Variants in CCDC7 observed in about 807,000 individuals in gnomAD.
CCDC7 encodes the protein coiled-coil domain-containing protein 7.
Under a neutral mutation model 196.9 loss-of-function variants are expected in CCDC7, and 183 were observed. The ratio of observed to expected loss-of-function variants is 0.93; its 90% confidence interval spans 0.82 to 1.05. The LOEUF is 1.05. Ranked by LOEUF, CCDC7 falls within the 50% of genes least tolerant of loss-of-function variation. CCDC7 has a pLI of 0.00. For missense variants in CCDC7, 1,540 were observed against 1,482.2 expected, an observed-to-expected ratio of 1.04 and a Z score of -0.64; for synonymous variants, 525 against 484.6, an observed-to-expected ratio of 1.08 and a Z score of -1.10.
chr10:32,706,936 T>C (rs148318263), intron 24 of CCDC7, among the ~76,000 whole-genome samples: 3 of 152,284 alleles, frequency 2.0e-5, no homozygotes, highest in African/African-American at 7.2e-5. Context: ...TTCCAATCAG[T>C]AGAAAAAGAG....
chr10:32,585,349 A>T (rs1278900527), intron 18 of CCDC7, among the ~76,000 whole-genome samples: 1 of 152,204 alleles, frequency 6.6e-6, no homozygotes, highest in Admixed American at 6.5e-5. Flanking sequence ...CTGGGATTAC[A>T]GGCGTGAGCC....
At chr10:32,859,322 G>C (rs189897298) in intron 41 of CCDC7, among the ~76,000 whole-genome samples, 266 of 152,156 alleles carry the variant, frequency 1.7e-3, no homozygotes, top group African/African-American at 6.1e-3. Flanking sequence ...ATGACTACTG[G>C]GTAAATAACG....
intron 22 of CCDC7, among the ~76,000 whole-genome samples, chr10:32,688,522 T>A (rs1422561241): frequency 6.6e-6 from 1 of 152,218 alleles, no homozygotes; most frequent in Non-Finnish European, 1.5e-5. Context: ...CTAGATATTC[T>A]CCCTTTTGGT....
At chr10:32,784,804 C>T (rs2081582741) in intron 29 of CCDC7, among the ~76,000 whole-genome samples, 1 of 151,472 alleles carries the variant, frequency 6.6e-6, no homozygotes, top group South Asian at 2.1e-4. Flanking sequence ...GAGTTCGAGA[C>T]CAGCCTGGCC....
chr10:32,602,845 T>C (rs1398150197), intron 18 of CCDC7, among the ~76,000 whole-genome samples: 1 of 152,228 alleles, frequency 6.6e-6, no homozygotes, highest in African/African-American at 2.4e-5. Flanking sequence ...ATAATATTTG[T>C]ACATACTTAT....
chr10:32,663,193 A>G (rs1348715178), intron 20 of CCDC7, among the ~76,000 whole-genome samples: 2 of 152,186 alleles, frequency 1.3e-5, no homozygotes, highest in Non-Finnish European at 2.9e-5. Flanking sequence ...CATTTAAGGT[A>G]AAGGTGAACT....
rs766279928 is a variant in CCDC7, at chr10:32,689,058, G to C, written c.2239G>C (p.Asp747His). The C allele has an allele frequency of 3.0e-5, 47 of 1,579,436 alleles. No individual in the cohort carries two copies. In the East Asian group the frequency reaches 1.0e-3, roughly 35 times the overall value. The change falls in exon 23 of 42, where the codon GAT becomes CAT. Residue 747 changes from aspartate to histidine, a missense_variant. Asp to His is a moderately conservative substitution (Grantham distance 81). Coordinates refer to ENST00000639629, the Ensembl canonical transcript of CCDC7. ...AAACACATCTTTTTCTGTAGCTCCT[G>C]ATAAAGAACCAAATGAAAATCTTAT...
chr10:32,755,561 A>G (rs987603471), intron 28 of CCDC7, among the ~76,000 whole-genome samples: 1 of 152,156 alleles, frequency 6.6e-6, no homozygotes, highest in African/African-American at 2.4e-5. Context: ...AGGAAAACTA[A>G]CAAACAGAAA....
At chr10:32,756,927 C>A (rs2076561124) in intron 28 of CCDC7, among the ~76,000 whole-genome samples, 1 of 152,008 alleles carries the variant, frequency 6.6e-6, no homozygotes, top group Non-Finnish European at 1.5e-5. Flanking sequence ...AAATGGAAAA[C>A]AAAGAAAAAG....
intron 13 of CCDC7, among the ~76,000 whole-genome samples, chr10:32,547,838 G>A (rs748074714): frequency 2.0e-5 from 3 of 151,850 alleles, no homozygotes; most frequent in Non-Finnish European, 2.9e-5. Context: ...GTGGTATTTG[G>A]TTACATGAGT....
chr10:32,558,661 G>A (rs1012085520), intron 13 of CCDC7, among the ~76,000 whole-genome samples: 18 of 152,078 alleles, frequency 1.2e-4, no homozygotes, highest in East Asian at 9.6e-4. Flanking sequence ...GTCACCTTCC[G>A]TCAAGAATTT....
chr10:32,639,305 A>C (rs542826457), intron 20 of CCDC7, among the ~76,000 whole-genome samples: 5 of 151,916 alleles, frequency 3.3e-5, no homozygotes, highest in Non-Finnish European at 7.4e-5. Flanking sequence ...TTGCTTCTCT[A>C]GTTCTTTTAA....
intron 29 of CCDC7, among the ~76,000 whole-genome samples, chr10:32,795,817 C>T (rs1197833773): frequency 1.3e-5 from 2 of 152,098 alleles, no homozygotes; most frequent in African/African-American, 2.4e-5. Flanking sequence ...GTAAACAAAG[C>T]AATGCCCTTC....
At chr10:32,827,988 T>G (rs2091404108) in intron 32 of CCDC7, among the ~76,000 whole-genome samples, 1 of 152,118 alleles carries the variant, frequency 6.6e-6, no homozygotes, top group Admixed American at 6.5e-5. Flanking sequence ...TATCATCTAT[T>G]CTCTCTAAAG....
At chr10:32,679,365 G>A (rs974965465) in intron 21 of CCDC7, among the ~76,000 whole-genome samples, 3 of 152,146 alleles carry the variant, frequency 2.0e-5, no homozygotes, top group Non-Finnish European at 2.9e-5. Flanking sequence ...ACAGTAAATG[G>A]ATATCAGAGT....
At chr10:32,658,849 A>C (rs2070581453) in intron 20 of CCDC7, among the ~76,000 whole-genome samples, 1 of 152,188 alleles carries the variant, frequency 6.6e-6, no homozygotes. Flanking sequence ...ATAATTGTTC[A>C]TAATAGTCAT....
intron 18 of CCDC7, among the ~76,000 whole-genome samples, chr10:32,605,447 G>C (rs1466120233): frequency 1.3e-5 from 2 of 152,180 alleles, no homozygotes; most frequent in African/African-American, 4.8e-5. Flanking sequence ...GGGCTCCGAA[G>C]AAGAACAAGA....
chr10:32,704,475 C>A (rs1379045878), intron 24 of CCDC7, among the ~76,000 whole-genome samples: 1 of 152,094 alleles, frequency 6.6e-6, no homozygotes, highest in Non-Finnish European at 1.5e-5. Flanking sequence ...CTTGAGGAGG[C>A]AGTCAGTCCA....
intron 28 of CCDC7, among the ~76,000 whole-genome samples, chr10:32,749,123 C>T (rs548686546): frequency 6.6e-6 from 1 of 152,282 alleles, no homozygotes; most frequent in East Asian, 1.9e-4. Flanking sequence ...GATTCCCTAT[C>T]TTTACCTGTT....
Sources: allele counts gnomAD v4.1 joint callset (sites outside exome capture counted in the v4.1 genomes callset), GRCh38; gene constraint gnomAD v4.1.1; transcripts MANE v1.5; gene names NCBI Gene and HGNC (gene_info 2026-07-23, HGNC 2026-07-21).